GRID2: variants seen among roughly 807,000 people sequenced by gnomAD.
GRID2 encodes the protein glutamate receptor ionotropic, delta-2.
In GRID2, 33 loss-of-function variants were observed where a neutral mutation model predicts 114.8. The observed-to-expected ratio is 0.29, with a 90% confidence interval of 0.22 to 0.38. The LOEUF (loss-of-function observed/expected upper bound fraction) is 0.38, where lower values mean the gene tolerates loss of function less well. Ranked by LOEUF, GRID2 falls within the 10% of genes least tolerant of loss-of-function variation. The pLI is 1.00. For missense variants in GRID2, 1,184 were observed against 1,257.7 expected (o/e 0.94, Z 0.89); for synonymous variants, 505 against 449.9 (o/e 1.12, Z -1.55).
intron 6 of GRID2, among the ~76,000 whole-genome samples, chr4:93,219,675 A>AT (rs1481806696): frequency 2.7e-4 from 41 of 152,312 alleles, no homozygotes; most frequent in African/African-American, 8.9e-4. Context: ...AAGTTGCAAA[A>AT]TAAATATTAA....
intron 4 of GRID2, among the ~76,000 whole-genome samples, chr4:93,113,408 C>T (rs914140562): frequency 6.6e-6 from 1 of 152,280 alleles, no homozygotes; most frequent in Non-Finnish European, 1.5e-5. Flanking sequence ...AGTTTGTGCA[C>T]TTAACCTTGG....
chr4:92,836,723 GAC>G (rs147244630), intron 2 of GRID2, among the ~76,000 whole-genome samples: 1 of 151,662 alleles, frequency 6.6e-6, no homozygotes, highest in African/African-American at 2.4e-5. Flanking sequence ...CAGAATTAAA[GAC>G]ACACACACAC....
intron 1 of GRID2, among the ~76,000 whole-genome samples, chr4:92,411,653 G>GTATATATA (rs770186876): frequency 0.02 from 1,976 of 98,622 alleles, 39 homozygotes; most frequent in Admixed American, 0.031. Flanking sequence ...GTGTGTGTGT[G>GTATATATA]TGTATATATA....
intron 2 of GRID2, among the ~76,000 whole-genome samples, chr4:92,891,670 A>C (rs1208069066): frequency 6.6e-6 from 1 of 152,166 alleles, no homozygotes; most frequent in East Asian, 1.9e-4. Context: ...CTAAAGTAGA[A>C]TCAGTATAGG....
intron 2 of GRID2, among the ~76,000 whole-genome samples, chr4:92,922,641 T>G (rs1749461259): frequency 6.6e-6 from 1 of 152,058 alleles, no homozygotes; most frequent in African/African-American, 2.4e-5. Context: ...GTCCAAAATC[T>G]AAAAACAACT....
At chr4:92,907,634 T>C (rs1439395301) in intron 2 of GRID2, among the ~76,000 whole-genome samples, 2 of 152,060 alleles carry the variant, frequency 1.3e-5, no homozygotes, top group Admixed American at 6.5e-5. Context: ...GGTCTTGAAC[T>C]CCTGACCTCA....
chr4:93,053,783 TAG>T (rs1390947296), intron 2 of GRID2, among the ~76,000 whole-genome samples: 1 of 151,666 alleles, frequency 6.6e-6, no homozygotes, highest in East Asian at 1.9e-4. Flanking sequence ...TAAAAAGGAG[TAG>T]AGGAGACTGG....
intron 10 of GRID2, among the ~76,000 whole-genome samples, chr4:93,429,991 A>G: frequency 6.6e-6 from 1 of 152,166 alleles, no homozygotes; most frequent in East Asian, 1.9e-4. Context: ...AATGCTCCCA[A>G]GACTAAACAG....
chr4:93,694,112 T>A (rs931288505), intron 14 of GRID2, among the ~76,000 whole-genome samples: 2 of 152,154 alleles, frequency 1.3e-5, no homozygotes, highest in Non-Finnish European at 2.9e-5. Flanking sequence ...GGGAAGAAAC[T>A]GTTTATAAGA....
At chr4:92,689,065 T>C (rs576365163) in intron 2 of GRID2, among the ~76,000 whole-genome samples, 18 of 152,306 alleles carry the variant, frequency 1.2e-4, no homozygotes, top group African/African-American at 4.3e-4. Context: ...TGAGCACTAA[T>C]ATTTTGTTGT....
intron 2 of GRID2, among the ~76,000 whole-genome samples, chr4:93,077,600 A>G (rs1729449424): frequency 1.3e-5 from 2 of 152,168 alleles, no homozygotes; most frequent in Admixed American, 6.5e-5. Flanking sequence ...TCTTGCCACA[A>G]TTATGTTTAA....
intron 2 of GRID2, among the ~76,000 whole-genome samples, chr4:92,719,082 G>T (rs971069997): frequency 2.6e-5 from 4 of 151,888 alleles, no homozygotes; most frequent in Admixed American, 6.6e-5. Context: ...TGCCTTCGGG[G>T]TTCAAACTAT....
chr4:93,357,931 A>T (rs1761505895), intron 8 of GRID2, among the ~76,000 whole-genome samples: 1 of 151,734 alleles, frequency 6.6e-6, no homozygotes, highest in South Asian at 2.1e-4. Context: ...TACTGCAGAA[A>T]CTTTGTGATA....
chr4:93,630,706 G>A (rs72889194), intron 14 of GRID2, among the ~76,000 whole-genome samples: 18,162 of 151,986 alleles, frequency 0.12, 1,127 homozygotes, highest in Middle Eastern at 0.14. Flanking sequence ...CAAACTAATC[G>A]CAGAATTTGA....
At chr4:93,370,441 A>G (rs1762765426) in intron 8 of GRID2, among the ~76,000 whole-genome samples, 2 of 111,374 alleles carry the variant, frequency 1.8e-5, no homozygotes, top group Non-Finnish European at 3.7e-5. Context: ...ACACACAGGC[A>G]CACACACACA....
At chr4:92,378,325 T>C (rs908318997) in intron 1 of GRID2, among the ~76,000 whole-genome samples, 2 of 152,238 alleles carry the variant, frequency 1.3e-5, no homozygotes, top group South Asian at 4.2e-4. Context: ...ACTGTATATG[T>C]GGTTGTCATA....
intron 1 of GRID2, among the ~76,000 whole-genome samples, chr4:92,317,703 C>G (rs757297916): frequency 6.6e-6 from 1 of 152,152 alleles, no homozygotes; most frequent in Non-Finnish European, 1.5e-5. Flanking sequence ...TTTATTTTCT[C>G]AAAATATCAC....
At chr4:93,572,542 A>G (rs1165122228) in intron 13 of GRID2, among the ~76,000 whole-genome samples, 2 of 152,104 alleles carry the variant, frequency 1.3e-5, no homozygotes, top group East Asian at 3.8e-4. Context: ...TGATTACAGT[A>G]TATTAAAATA....
chr4:92,449,949 A>G lies in GRID2; in HGVS notation c.89-140182A>G, dbSNP rs1412698476. 2.6e-5 allele frequency among the ~76,000 whole-genome samples: 4 copies of G among 151,800 alleles called. No individual in the cohort carries two copies. In the East Asian group the frequency reaches 7.7e-4, roughly 29 times the overall value. ...AAAGCAATTAGATTAAAAGAAAATTAGGATCTTGGCTCACAGTAAGAGCAT... is the reference window on the plus strand; with the variant it reads ...AAAGCAATTAGATTAAAAGAAAATTGGGATCTTGGCTCACAGTAAGAGCAT... On this transcript the variant is annotated intron_variant, in intron 1 of 15. Coordinates refer to ENST00000282020, the MANE Select transcript of GRID2 (RefSeq NM_001510.4).
Sources: allele counts gnomAD v4.1 joint callset (sites outside exome capture counted in the v4.1 genomes callset), GRCh38; gene constraint gnomAD v4.1.1; transcripts MANE v1.5; gene names NCBI Gene and HGNC (gene_info 2026-07-23, HGNC 2026-07-21).